Variants in KIDINS220 observed in about 807,000 individuals in gnomAD.
The protein encoded by KIDINS220 is kinase D-interacting substrate of 220 kDa.
KIDINS220 carries 63 observed loss-of-function variants against 157.6 expected under a neutral mutation model. The ratio of observed to expected loss-of-function variants is 0.40; its 90% confidence interval spans 0.33 to 0.49. KIDINS220 has a LOEUF of 0.49. Ranked by LOEUF, KIDINS220 falls within the 20% of genes least tolerant of loss-of-function variation. The pLI is 0.66. For missense variants in KIDINS220, 1,772 were observed against 2,171.2 expected (o/e 0.82, Z 3.65); for synonymous variants, 732 against 783.6 (o/e 0.93, Z 1.10).
chr2:8,742,016 C>G (rs1432434492), intron 26 of KIDINS220, among the ~76,000 whole-genome samples: 4 of 152,184 alleles, frequency 2.6e-5, no homozygotes, highest in Non-Finnish European at 4.4e-5. Context: ...GCCTTCGACT[C>G]CCTACCTATG....
At chr2:8,778,568 T>A (rs1671279518) in intron 20 of KIDINS220, 71 bp downstream of exon 20, 2 of 952,550 alleles carry the variant, frequency 2.1e-6, no homozygotes, top group African/African-American at 3.2e-5. Flanking sequence ...ATTATTTAAG[T>A]GGCATCATCT....
chr2:8,780,235 T>C (rs1671508995), intron 17 of KIDINS220, among the ~76,000 whole-genome samples: 1 of 152,158 alleles, frequency 6.6e-6, no homozygotes, highest in African/African-American at 2.4e-5. Flanking sequence ...ATTTTGGTGG[T>C]TCAATTTGCT....
intron 26 of KIDINS220, 80 bp from the exon 27 acceptor site, chr2:8,737,079 TCATTAAGTTATACCATGAA>T: frequency 7.3e-7 from 1 of 1,372,040 alleles, no homozygotes; most frequent in African/African-American, 1.4e-5. Context: ...AGAGAAAAAC[TCATTAAGTTATACCATGAA>T]GTAAAGTAAA....
In KIDINS220 at chr2:8,730,199, C is replaced by T; in HGVS notation, c.*521G>A. ...TTCAGAACCTCTGTGATAAGCAATACCCCTGCCATACAGAACGCTGGATCT... is the reference window on the plus strand; with the variant it reads ...TTCAGAACCTCTGTGATAAGCAATATCCCTGCCATACAGAACGCTGGATCT... On this transcript the variant is annotated 3_prime_UTR_variant, in exon 30 of 30. Transcript: ENST00000256707. The T allele has an allele frequency of 1.0e-6, 1 of 986,868 alleles. No individual in the cohort carries two copies. Among genetic ancestry groups the T allele is most frequent in the Non-Finnish European group, 1.2e-6 (1 of 831,050 alleles). The allele number at this position is 986,868 out of a possible 1,614,324, so 61.1% of individuals were successfully genotyped here. A position where few individuals can be genotyped will look rare whatever the true frequency, so the allele number is the denominator to read the frequency against.
intron 22 of KIDINS220, among the ~76,000 whole-genome samples, chr2:8,754,406 A>G (rs926326952): frequency 6.6e-6 from 1 of 152,182 alleles, no homozygotes; most frequent in African/African-American, 2.4e-5. Context: ...TTTTTCAGAT[A>G]TTTTTCCAAA....
chr2:8,731,937 C>G lies in KIDINS220; in HGVS notation c.4099G>C (p.Asp1367His). 1 of 1,607,950 alleles carries G rather than the reference C, an allele frequency of 6.2e-7. No homozygotes were observed. The highest frequency in any genetic ancestry group is 8.5e-7 in the Non-Finnish European group (1 of 1,176,944). Residue 1367 changes from aspartate (D) to histidine (H), a missense_variant, in exon 30 of 30, where the codon GAT (aspartate) becomes CAT (histidine). This residue lies in a region of KIDINS220 where 793 missense variants were observed against 885.5 expected (regional missense o/e 0.90). Transcript: ENST00000256707. The surrounding 1 kb of genome is among the most constrained non-coding windows in gnomAD (Gnocchi z 5.2). ...TPSLSSLNSQ[D>H]SSIEISKLTD... ...AGCTTTGAAATTTCAATACTGGAAT[C>G]CTGGGAATTGAGACTCGAAAGACTT...
At chr2:8,736,818 T>A in intron 27 of KIDINS220, 50 bp downstream of exon 27, 8 of 1,604,762 alleles carry the variant, frequency 5.0e-6, no homozygotes, top group Non-Finnish European at 6.8e-6. Flanking sequence ...CACAGTCCTG[T>A]CTTCCGCCCC....
Position 8,786,194 on chromosome 2 carries a change from A to G in KIDINS220, c.1939+12T>C. Reference sequence around the variant, plus strand: ...TCCCTTACACACAAAGAAGGAAGGAAGGAAATCCTACCCTGAGTATCTTCA... The same window carrying G: ...TCCCTTACACACAAAGAAGGAAGGAGGGAAATCCTACCCTGAGTATCTTCA... On this transcript the variant is annotated intron_variant, in intron 16 of 29. Transcript: ENST00000256707. 1 of 1,613,944 alleles carries G rather than the reference A, an allele frequency of 6.2e-7. No homozygotes were observed. Among genetic ancestry groups the G allele is most frequent in the South Asian group, 1.1e-5 (1 of 91,048 alleles).
chr2:8,837,089 C>G (rs1302591600), intron 1 of KIDINS220, among the ~76,000 whole-genome samples: 2 of 152,110 alleles, frequency 1.3e-5, no homozygotes, highest in Non-Finnish European at 2.9e-5. Flanking sequence ...GAGGAGGAAC[C>G]TAGAAAGACT....
intron 14 of KIDINS220, among the ~76,000 whole-genome samples, chr2:8,789,037 T>C (rs921183461): frequency 6.6e-6 from 1 of 152,118 alleles, no homozygotes; most frequent in South Asian, 2.1e-4. Context: ...AACAGAAACA[T>C]AACTGCAGTT....
chr2:8,827,042 T>C lies in KIDINS220; in HGVS notation c.52A>G (p.Ile18Val), dbSNP rs769375232. ...SVINYVEEEN[I>V]PALKALLEKC... ...TCAAGAAGAGCTTTCAGAGCAGGAA[T>C]GTTTTCTTCCTCTACATAATTTATG... Residue 18 changes from isoleucine to valine, a missense_variant, in exon 2 of 30, where the codon ATT becomes GTT. By Grantham distance (29) the Ile-to-Val change is conservative. Coordinates refer to ENST00000256707, the MANE Select transcript of KIDINS220 (RefSeq NM_020738.4). 2 of 1,610,750 alleles carry C rather than the reference T, an allele frequency of 1.2e-6. No individual in the cohort carries two copies. Among genetic ancestry groups the C allele is most frequent in the South Asian group, 2.2e-5 (2 of 90,692 alleles).
chr2:8,734,240 T>C (rs548813542), intron 28 of KIDINS220, among the ~76,000 whole-genome samples: 120 of 152,272 alleles, frequency 7.9e-4, no homozygotes, highest in Non-Finnish European at 1.2e-3. Context: ...GTGAGGCGTT[T>C]GATCAAATAC....
rs192136544 is a variant in KIDINS220, at chr2:8,810,536, A to T, written c.504+1859T>A. On this transcript the variant is annotated intron_variant, in intron 6 of 29. Coordinates refer to ENST00000256707, the MANE Select transcript of KIDINS220 (RefSeq NM_020738.4). ...CGTGGTGGCTCACGCTTGTAATCCC[A>T]GCACTTTGGGAGGCCAAGGCGGGTG... 4.5e-4 allele frequency among the ~76,000 whole-genome samples: 68 copies of T among 152,348 alleles called. 1 individual carries two copies. The highest frequency in any genetic ancestry group is 1.1e-3 in the African/African-American group (44 of 41,578).
downstream of KIDINS220, chr2:8,726,966 T>C: frequency 7.9e-7 from 1 of 1,265,416 alleles, no homozygotes; most frequent in South Asian, 1.2e-5. Context: ...GGGTTTAAAA[T>C]TATGTAAGAT....
chr2:8,754,760 A>G (rs140529999), intron 22 of KIDINS220, among the ~76,000 whole-genome samples: 62 of 152,310 alleles, frequency 4.1e-4, no homozygotes, highest in African/African-American at 1.3e-3. Context: ...TACATAAAAG[A>G]TTTCTATTTT....
At chr2:8,759,420 A>T (rs1558360611) in intron 22 of KIDINS220, among the ~76,000 whole-genome samples, 1 of 151,740 alleles carries the variant, frequency 6.6e-6, no homozygotes, top group Non-Finnish European at 1.5e-5. Flanking sequence ...AAGATGACCT[A>T]TTTGGCCAGA....
In KIDINS220 at chr2:8,730,406, T is replaced by G. The variant is rs1412985115; in HGVS notation, c.*314A>C. ...TTTTGGCACATTAAGCCCTTTAAAA[T>G]ACTTCTGACCTATCTTTATACTCAG... On this transcript the variant is annotated 3_prime_UTR_variant, in exon 30 of 30. Transcript: ENST00000256707. 1 of 1,117,296 alleles carries G rather than the reference T, an allele frequency of 9.0e-7. No individual in the cohort carries two copies. The highest frequency in any genetic ancestry group is 1.6e-5 in the African/African-American group (1 of 61,478). The allele number at this position is 1,117,296 out of a possible 1,614,324, so 69.2% of individuals were successfully genotyped here.
intron 26 of KIDINS220, among the ~76,000 whole-genome samples, chr2:8,739,882 A>G (rs1665395733): frequency 6.6e-6 from 1 of 152,270 alleles, no homozygotes; most frequent in South Asian, 2.1e-4. Flanking sequence ...AAAGCTATCA[A>G]AATACTGAAA....
chr2:8,782,613 A>G (rs1671861851), intron 17 of KIDINS220, among the ~76,000 whole-genome samples: 1 of 152,216 alleles, frequency 6.6e-6, no homozygotes, highest in Non-Finnish European at 1.5e-5. Context: ...AAATTATACC[A>G]ACTCTACATA....
Sources: allele counts gnomAD v4.1 joint callset (sites outside exome capture counted in the v4.1 genomes callset), GRCh38; gene constraint gnomAD v4.1.1; regional missense constraint gnomAD v4.1.1; non-coding constraint Gnocchi (gnomAD v3.1); transcripts MANE v1.5; gene names NCBI Gene and HGNC (gene_info 2026-07-23, HGNC 2026-07-21).